Variants in LRMDA observed in about 807,000 individuals in gnomAD.
The protein encoded by LRMDA is leucine rich melanocyte differentiation associated, also known as leucine-rich melanocyte differentiation-associated protein.
In LRMDA, 18 loss-of-function variants were observed where a neutral mutation model predicts 29.8. That is an observed-to-expected ratio of 0.60 (90% CI 0.42 to 0.90). LRMDA has a LOEUF of 0.90. LRMDA is among the 40% of genes least tolerant of loss of function. The pLI is 0.00. For missense variants in LRMDA, 273 were observed against 273.9 expected (o/e 1.00, Z 0.02); for synonymous variants, 125 against 109.4 (o/e 1.14, Z -0.89).
At chr10:76,291,682 C>T (rs1840342275) in intron 5 of LRMDA, among the ~76,000 whole-genome samples, 1 of 151,834 alleles carries the variant, frequency 6.6e-6, no homozygotes. Context: ...CTTTAAACAT[C>T]CTTCTATGTG....
intron 2 of LRMDA, among the ~76,000 whole-genome samples, chr10:75,789,103 C>G (rs577348305): frequency 6.6e-6 from 1 of 152,326 alleles, no homozygotes; most frequent in South Asian, 2.1e-4. Flanking sequence ...TTTGGAATCA[C>G]ACATACAGGG....
chr10:76,132,774 A>C (rs1850016244), intron 5 of LRMDA, among the ~76,000 whole-genome samples: 1 of 151,750 alleles, frequency 6.6e-6, no homozygotes, highest in Non-Finnish European at 1.5e-5. Flanking sequence ...CATCATTCTG[A>C]TTCTCAGATT....
At chr10:75,628,348 T>A (rs1351808085) in intron 2 of LRMDA, among the ~76,000 whole-genome samples, 2 of 152,232 alleles carry the variant, frequency 1.3e-5, no homozygotes, top group Non-Finnish European at 2.9e-5. Flanking sequence ...CTTTATATTA[T>A]GAAAAATGCT....
intron 5 of LRMDA, among the ~76,000 whole-genome samples, chr10:76,212,820 G>A (rs1036777116): frequency 1.3e-5 from 2 of 152,154 alleles, no homozygotes; most frequent in African/African-American, 4.8e-5. Context: ...ATCAGTGTAG[G>A]TGGAAGTGAC....
At chr10:75,515,180 T>TA (rs1404022233) in intron 2 of LRMDA, among the ~76,000 whole-genome samples, 5 of 152,310 alleles carry the variant, frequency 3.3e-5, no homozygotes, top group Admixed American at 3.3e-4. Context: ...GGTAAATTCA[T>TA]AGAGACAGAA....
intron 2 of LRMDA, among the ~76,000 whole-genome samples, chr10:75,887,758 A>G (rs956522926): frequency 2.6e-5 from 4 of 152,100 alleles, no homozygotes; most frequent in Non-Finnish European, 4.4e-5. Context: ...CACTGATTCT[A>G]CTACCATAAG....
At chr10:75,862,380 T>C (rs534417183) in intron 2 of LRMDA, among the ~76,000 whole-genome samples, 1 of 152,260 alleles carries the variant, frequency 6.6e-6, no homozygotes, top group African/African-American at 2.4e-5. Context: ...TCCATTTCAT[T>C]AAGAAAAAGG....
At chr10:75,506,802 G>C (rs1313085682) in intron 2 of LRMDA, among the ~76,000 whole-genome samples, 1 of 152,224 alleles carries the variant, frequency 6.6e-6, no homozygotes, top group Non-Finnish European at 1.5e-5. Flanking sequence ...TGAAAGCAGA[G>C]ATTCTTTCAG....
chr10:75,624,554 G>A (rs1031954431), intron 2 of LRMDA, among the ~76,000 whole-genome samples: 2 of 152,086 alleles, frequency 1.3e-5, no homozygotes, highest in Non-Finnish European at 2.9e-5. Context: ...TCTCTCTTAT[G>A]CTTTTAAGTG....
chr10:76,147,722 T>C (rs918517383), intron 5 of LRMDA, among the ~76,000 whole-genome samples: 5 of 152,210 alleles, frequency 3.3e-5, no homozygotes, highest in African/African-American at 9.6e-5. Flanking sequence ...GTTCCGTTGC[T>C]GGTGAGGAGC....
intron 6 of LRMDA, among the ~76,000 whole-genome samples, chr10:76,379,006 G>A (rs1204140311): frequency 3.3e-5 from 5 of 151,632 alleles, no homozygotes; most frequent in Admixed American, 6.6e-5. Context: ...ACAGGCATGC[G>A]CCACCACGCT....
In LRMDA at chr10:76,497,203, C is replaced by G. The variant is rs568053576; in HGVS notation, c.602-60006C>G. Among the ~76,000 whole-genome samples, 7 of 74,854 alleles carry G rather than the reference C, an allele frequency of 9.4e-5. 1 individual carries two copies. The highest frequency in any genetic ancestry group is 2.3e-4 in the African/African-American group (7 of 30,812). The allele number at this position is 74,854 out of a possible 152,430, so 49.1% of individuals were successfully genotyped here. A position where few individuals can be genotyped will look rare whatever the true frequency, so the allele number is the denominator to read the frequency against. On this transcript the variant is annotated intron_variant, in intron 6 of 6. Coordinates refer to ENST00000611255, the MANE Select transcript of LRMDA (RefSeq NM_001305581.2). ...CCATGGCTTTCATCTTTTTTTTCCC[C>G]TCTTTTAAAAGATATTTCAAACTTT... is the stretch of plus-strand genomic sequence containing the variant.
intron 5 of LRMDA, among the ~76,000 whole-genome samples, chr10:76,177,334 G>A (rs1850956951): frequency 6.7e-6 from 1 of 150,002 alleles, no homozygotes; most frequent in South Asian, 2.2e-4. Flanking sequence ...TCTTTGGAAT[G>A]CTATATGAAA....
chr10:75,807,886 A>G (rs923136656), intron 2 of LRMDA, among the ~76,000 whole-genome samples: 3 of 152,178 alleles, frequency 2.0e-5, no homozygotes, highest in African/African-American at 7.2e-5. Context: ...AGCAATGGAC[A>G]TATTTCTGAG....
At chr10:75,441,388 C>G (rs565472872) in intron 2 of LRMDA, among the ~76,000 whole-genome samples, 1 of 152,318 alleles carries the variant, frequency 6.6e-6, no homozygotes, top group South Asian at 2.1e-4. Flanking sequence ...CCTGGCCCCA[C>G]TCTGGACACA....
At chr10:75,927,689 G>A (rs1846142333) in intron 2 of LRMDA, among the ~76,000 whole-genome samples, 1 of 152,184 alleles carries the variant, frequency 6.6e-6, no homozygotes, top group Non-Finnish European at 1.5e-5. Context: ...GGTAACTGAA[G>A]TTTAGAAAGG....
At chr10:75,449,505 G>T (rs1343893234) in intron 2 of LRMDA, among the ~76,000 whole-genome samples, 1 of 147,856 alleles carries the variant, frequency 6.8e-6, no homozygotes, top group African/African-American at 2.5e-5. Flanking sequence ...ACTTTTGGGT[G>T]GGGATTGGGA....
intron 5 of LRMDA, among the ~76,000 whole-genome samples, chr10:76,078,255 C>T (rs931832772): frequency 3.3e-5 from 5 of 151,640 alleles, no homozygotes; most frequent in Non-Finnish European, 7.4e-5. Flanking sequence ...GTGATCTGCC[C>T]GTCTCGGCCT....
At chr10:75,910,047 A>G (rs1845818789) in intron 2 of LRMDA, among the ~76,000 whole-genome samples, 1 of 152,134 alleles carries the variant, frequency 6.6e-6, no homozygotes, top group Non-Finnish European at 1.5e-5. Context: ...ATTTTTCTTC[A>G]TCGTGTTTAT....
Sources: allele counts gnomAD v4.1 joint callset (sites outside exome capture counted in the v4.1 genomes callset), GRCh38; gene constraint gnomAD v4.1.1; transcripts MANE v1.5; gene names NCBI Gene and HGNC (gene_info 2026-07-23, HGNC 2026-07-21).